The following MRPS27 variants were observed in gnomAD, a reference collection of about 807,000 sequenced individuals.
The protein encoded by MRPS27 is small ribosomal subunit protein mS27.
MRPS27 carries 43 observed loss-of-function variants against 48.9 expected under a neutral mutation model. That is an observed-to-expected ratio of 0.88 (90% CI 0.69 to 1.13). The LOEUF (loss-of-function observed/expected upper bound fraction) is 1.13, where lower values mean the gene tolerates loss of function less well. Among genes scored for constraint, MRPS27 ranks in the 50% most tolerant of loss-of-function variants. MRPS27 has a pLI of 0.00. For missense variants in MRPS27, 467 were observed against 476.3 expected, an observed-to-expected ratio of 0.98 and a Z score of 0.18; for synonymous variants, 188 against 171.9, an observed-to-expected ratio of 1.09 and a Z score of -0.73.
At chr5:72,226,980 A>G (rs960536774) in intron 8 of MRPS27, 1 of 152,236 alleles carries the variant, frequency 6.6e-6, no homozygotes, top group African/African-American at 2.4e-5. Context: ...TTTCCTGGGA[A>G]GGAGGATTTG....
At chr5:72,228,722 C>T (rs748179328) in intron 7 of MRPS27, 23 of 172,854 alleles carry the variant, frequency 1.3e-4, no homozygotes, top group Admixed American at 1.1e-3. Flanking sequence ...ACACTTTAAA[C>T]CGACACTCGA....
chr5:72,297,765 C>T (rs1239222900), intron 2 of MRPS27, 63 bp from the exon 3 acceptor site: 8 of 985,538 alleles, frequency 8.1e-6, no homozygotes, highest in African/African-American at 1.7e-5. Flanking sequence ...CAATTCTTGC[C>T]AGATGGCTGC....
At chr5:72,296,231 A>G (rs1349622903) in intron 3 of MRPS27, among the ~76,000 whole-genome samples, 1 of 152,168 alleles carries the variant, frequency 6.6e-6, no homozygotes, top group East Asian at 1.9e-4. Context: ...CTCAGAGGCA[A>G]AAAAGAAAAA....
intron 4 of MRPS27, among the ~76,000 whole-genome samples, chr5:72,256,939 G>A (rs1748825455): frequency 1.3e-5 from 2 of 152,162 alleles, no homozygotes. Flanking sequence ...AACTAGACGT[G>A]CCATTCTTAG....
intron 4 of MRPS27, among the ~76,000 whole-genome samples, chr5:72,277,274 A>G (rs1001831450): frequency 1.2e-4 from 19 of 152,198 alleles, no homozygotes; most frequent in Non-Finnish European, 7.3e-5. Context: ...GGGAATATAA[A>G]TTAGTTCAAC....
rs1393166799 is a variant in MRPS27 at position 72,320,229 on chromosome 5, C to T, written c.-8G>A. On this transcript the variant is annotated 5_prime_UTR_variant, in exon 1 of 11. Transcript: ENST00000261413. ...CACTATGGAGGCAGCCATCTTGGAG[C>T]GTACCAAAAGGAACAGCCAACGGGT... 1.9e-6 allele frequency: 3 copies of T among 1,613,920 alleles called. No individual in the cohort carries two copies. The highest frequency in any genetic ancestry group is 3.3e-5 in the Admixed American group (2 of 60,018).
intron 2 of MRPS27, among the ~76,000 whole-genome samples, chr5:72,305,009 A>G (rs1363743902): frequency 1.3e-5 from 2 of 152,260 alleles, no homozygotes; most frequent in East Asian, 3.8e-4. Flanking sequence ...ACATTTTAAA[A>G]GAAAAACGAG....
rs1006224462 is a variant in MRPS27 at position 72,220,741 on chromosome 5, T to C, written c.*168A>G. 3 of 973,058 alleles carry C rather than the reference T, an allele frequency of 3.1e-6. No individual in the cohort carries two copies. The African/African-American group carries it at 4.9e-5, about 16-fold the overall frequency. The allele number at this position is 973,058 out of a possible 1,614,324, so 60.3% of individuals were successfully genotyped here. On this transcript the variant is annotated 3_prime_UTR_variant, in exon 11 of 11. Transcript: ENST00000261413. The stretch of plus-strand genomic sequence containing the variant: ...ACCTGCATAGTTCCATAGCCCTTCT[T>C]GGCATCTCGATGGGCAGTCATGGTG...
chr5:72,294,113 GGT>G (rs1360890785), intron 4 of MRPS27, among the ~76,000 whole-genome samples: 330 of 152,106 alleles, frequency 2.2e-3, no homozygotes, highest in African/African-American at 7.5e-3. Context: ...GTTTTTTAAA[GGT>G]GTGGAATCTA....
In MRPS27 at chr5:72,219,629, A is replaced by G. The variant is rs1387674206; in HGVS notation, c.*1280T>C. 8 of 152,198 alleles carry G rather than the reference A, an allele frequency of 5.3e-5. No individual in the cohort carries two copies. The highest frequency in any genetic ancestry group is 1.2e-4 in the Non-Finnish European group (8 of 68,030). 9.4% of individuals were successfully genotyped at this position (152,198 alleles called of 1,614,324 possible). ...AGGGCAACACTACATAGTAAGCAAA[A>G]TCTGCTCTGAACCCTTTCACAGAAG... On this transcript the variant is annotated 3_prime_UTR_variant, in exon 11 of 11. Transcript: ENST00000261413.
intron 2 of MRPS27, among the ~76,000 whole-genome samples, chr5:72,303,632 T>C (rs955012028): frequency 6.6e-6 from 1 of 152,006 alleles, no homozygotes; most frequent in Non-Finnish European, 1.5e-5. Flanking sequence ...AAGAAACAAC[T>C]ATACTAACAG....
chr5:72,244,443 T>G (rs1369288605), intron 4 of MRPS27, among the ~76,000 whole-genome samples: 1 of 151,694 alleles, frequency 6.6e-6, no homozygotes, highest in Admixed American at 6.6e-5. Flanking sequence ...TCCAGGAGAG[T>G]TATTCTTATT....
intron 4 of MRPS27, chr5:72,241,752 A>G (rs1748356681): frequency 6.7e-7 from 1 of 1,483,212 alleles, no homozygotes; most frequent in Non-Finnish European, 9.1e-7. Context: ...ATTTGCCTGC[A>G]AACAGACTGG....
intron 4 of MRPS27, among the ~76,000 whole-genome samples, chr5:72,273,193 G>C (rs1749290738): frequency 6.6e-6 from 1 of 152,062 alleles, no homozygotes; most frequent in African/African-American, 2.4e-5. Flanking sequence ...TAGTTACCTG[G>C]CCCAAGTAAA....
chr5:72,274,172 G>A (rs1175883485), intron 4 of MRPS27, among the ~76,000 whole-genome samples: 3 of 152,040 alleles, frequency 2.0e-5, no homozygotes, highest in Non-Finnish European at 2.9e-5. Context: ...TGGTCAATAC[G>A]GTGAAACCCC....
At position 72,237,844 on chromosome 5, in the gene MRPS27, T is replaced by A. The variant is rs566039209; in HGVS notation, c.396+170A>T. Among the ~76,000 whole-genome samples, 307 of 152,208 alleles carry A rather than the reference T, an allele frequency of 2.0e-3. 3 individuals carry two copies. The highest frequency in any genetic ancestry group is 6.6e-3 in the African/African-American group (276 of 41,546). ...GTAGCAGCTACAGGATTTTTTTTTT[T>A]AATTTATTAATGAACTTATACCCAG... On this transcript the variant is annotated intron_variant, in intron 5 of 10. Coordinates refer to ENST00000261413, the MANE Select transcript of MRPS27 (RefSeq NM_015084.3).
At chr5:72,298,867 A>G (rs2112068162) in intron 2 of MRPS27, among the ~76,000 whole-genome samples, 1 of 152,314 alleles carries the variant, frequency 6.6e-6, no homozygotes, top group South Asian at 2.1e-4. Flanking sequence ...AAGACATGGA[A>G]TCAACCTAAC....
At chr5:72,236,964 G>A in intron 5 of MRPS27, among the ~76,000 whole-genome samples, 1 of 147,022 alleles carries the variant, frequency 6.8e-6, no homozygotes, top group African/African-American at 2.6e-5. Flanking sequence ...CTGTTGCCTA[G>A]GCTGTAGTGC....
chr5:72,223,625 A>G, intron 10 of MRPS27, 58 bp downstream of exon 10: 2 of 1,584,468 alleles, frequency 1.3e-6, no homozygotes, highest in Non-Finnish European at 1.7e-6. Flanking sequence ...ATCCATCACC[A>G]CAGGAGAGAA....
Sources: gnomAD v4.1 joint callset for allele counts (sites outside exome capture counted in the v4.1 genomes callset) on GRCh38, gnomAD v4.1.1 for gene constraint, MANE v1.5 for transcripts, NCBI Gene and HGNC (gene_info 2026-07-23, HGNC 2026-07-21) for gene names.